PTPRN2: variants seen among roughly 807,000 people sequenced by gnomAD.
PTPRN2 encodes protein tyrosine phosphatase receptor type N2.
In PTPRN2, 74 loss-of-function variants were observed where a neutral mutation model predicts 118.8. The ratio of observed to expected loss-of-function variants is 0.62; its 90% CI spans 0.52 to 0.76. The LOEUF (loss-of-function observed/expected upper bound fraction) is 0.76. Ranked by LOEUF, PTPRN2 falls within the 30% of genes least tolerant of loss-of-function variation. PTPRN2 has a pLI of 0.00. For synonymous variants in PTPRN2, 641 were observed against 608.0 expected, an observed-to-expected ratio of 1.05 and a Z score of -0.80; for missense variants, 1,481 against 1,394.4, an observed-to-expected ratio of 1.06 and a Z score of -0.99.
In PTPRN2 at chr7:158,139,861, C is replaced by T. The variant is rs541189335; in HGVS notation, c.911-1346G>A. 1.1e-4 allele frequency among the ~76,000 whole-genome samples: 17 copies of T among 152,278 alleles called. No homozygotes were observed. In the South Asian group the frequency reaches 2.9e-3, roughly 26 times the overall value. On this transcript the variant is annotated intron_variant, in intron 6 of 22. Coordinates refer to ENST00000389418, the MANE Select transcript of PTPRN2 (RefSeq NM_002847.5). ...ACATTTGAAGGGTTGAAAGAAAAAT[C>T]ATTCAATCCAGGAGTTTATATCCAA...
intron 11 of PTPRN2, among the ~76,000 whole-genome samples, chr7:158,017,869 G>A (rs1215742575): frequency 2.6e-5 from 4 of 152,132 alleles, no homozygotes; most frequent in Non-Finnish European, 2.9e-5. Context: ...TGTGCCCATC[G>A]GGGTCCCCTT....
intron 12 of PTPRN2, among the ~76,000 whole-genome samples, chr7:157,800,959 AT>A (rs1354063833): frequency 1.3e-5 from 2 of 151,122 alleles, no homozygotes; most frequent in Non-Finnish European, 1.5e-5. Flanking sequence ...TTCAAAAAAA[AT>A]ATATATATAC....
chr7:158,090,850 C>T (rs763378300), intron 10 of PTPRN2, among the ~76,000 whole-genome samples: 1 of 152,170 alleles, frequency 6.6e-6, no homozygotes, highest in East Asian at 1.9e-4. Flanking sequence ...CATCAATATA[C>T]TGATGTACTA....
chr7:158,229,205 AC>A (rs1829010637), intron 3 of PTPRN2, among the ~76,000 whole-genome samples: 1 of 152,054 alleles, frequency 6.6e-6, no homozygotes, highest in South Asian at 2.1e-4. Flanking sequence ...GGAGACAGGG[AC>A]CTAGAAGGGG....
rs372464940 is a variant in PTPRN2, at chr7:158,321,913, C to T, written c.164-4981G>A. The stretch of plus-strand genomic sequence containing the variant: ...ACTTACTGTGCGTGCCCAAGGATGC[C>T]GCCAATCCAACATCATAAACCCTTC... On this transcript the variant is annotated intron_variant, in intron 2 of 22. Transcript: ENST00000389418. Among the ~76,000 whole-genome samples, 36 of 152,314 alleles carry T rather than the reference C, an allele frequency of 2.4e-4. 1 individual carries two copies. Among genetic ancestry groups the T allele is most frequent in the South Asian group, 1.4e-3 (7 of 4,828 alleles).
At chr7:158,144,049 A>G (rs1819646743) in intron 6 of PTPRN2, among the ~76,000 whole-genome samples, 1 of 152,190 alleles carries the variant, frequency 6.6e-6, no homozygotes, top group Admixed American at 6.5e-5. Flanking sequence ...AGTTTGGGAC[A>G]GAGTTCCATT....
intron 20 of PTPRN2, among the ~76,000 whole-genome samples, chr7:157,571,202 T>A (rs1396683148): frequency 1.1e-4 from 14 of 129,550 alleles, no homozygotes; most frequent in African/African-American, 1.5e-4. Context: ...GCAACAGAGT[T>A]AAAAAAAAAA....
intron 2 of PTPRN2, among the ~76,000 whole-genome samples, chr7:158,401,975 G>C (rs149808200): frequency 6.6e-6 from 1 of 152,236 alleles, no homozygotes; most frequent in Non-Finnish European, 1.5e-5. Context: ...GGGTCTGGCC[G>C]GTGCCCAGAG....
intron 12 of PTPRN2, among the ~76,000 whole-genome samples, chr7:157,827,447 C>A (rs1026067706): frequency 1.3e-5 from 2 of 151,830 alleles, no homozygotes; most frequent in East Asian, 3.9e-4. Context: ...CAAGCTCGAT[C>A]AGAATGTCCC....
chr7:158,500,316 TG>T (rs1204833609), intron 1 of PTPRN2, among the ~76,000 whole-genome samples: 2 of 152,368 alleles, frequency 1.3e-5, no homozygotes, highest in African/African-American at 4.8e-5. Context: ...GAGGTGAATT[TG>T]AAAAATAATT....
At chr7:158,151,060 CCCGCCTTT>C (rs1483999153) in intron 6 of PTPRN2, among the ~76,000 whole-genome samples, 5 of 120,426 alleles carry the variant, frequency 4.2e-5, no homozygotes, top group African/African-American at 9.9e-5. Flanking sequence ...GCCCACACTG[CCCGCCTTT>C]CCACTCTTGC....
At chr7:157,699,363 G>A (rs1797958136) in intron 12 of PTPRN2, among the ~76,000 whole-genome samples, 1 of 152,188 alleles carries the variant, frequency 6.6e-6, no homozygotes, top group African/African-American at 2.4e-5. Flanking sequence ...ATTTTATATT[G>A]CAAATATGTC....
chr7:157,982,300 CCCAAACCCTGAG>C, intron 11 of PTPRN2, among the ~76,000 whole-genome samples: 2 of 45,998 alleles, frequency 4.3e-5, no homozygotes, highest in Non-Finnish European at 9.5e-5. Flanking sequence ...GCAGGGTCCC[CCCAAACCCTGAG>C]TCATAGAGCC....
chr7:157,800,883 C>T (rs1488404210), intron 12 of PTPRN2, among the ~76,000 whole-genome samples: 5 of 151,500 alleles, frequency 3.3e-5, no homozygotes, highest in Admixed American at 6.6e-5. Flanking sequence ...ACCCGGGAGG[C>T]GGAGCTTGCA....
intron 12 of PTPRN2, among the ~76,000 whole-genome samples, chr7:157,810,494 G>A (rs1805930696): frequency 6.7e-6 from 1 of 150,162 alleles, no homozygotes; most frequent in African/African-American, 2.5e-5. Context: ...GCTGGGCACA[G>A]GGTCTCCATG....
chr7:157,709,867 T>A (rs563087049), intron 12 of PTPRN2, among the ~76,000 whole-genome samples: 319 of 152,358 alleles, frequency 2.1e-3, no homozygotes, highest in Non-Finnish European at 3.8e-3. Flanking sequence ...GACAGAATCC[T>A]CATCAGTGAG....
chr7:158,466,933 C>T (rs1241219265), intron 2 of PTPRN2, among the ~76,000 whole-genome samples: 8 of 152,076 alleles, frequency 5.3e-5, no homozygotes, highest in African/African-American at 1.4e-4. Context: ...CCCAGCTACT[C>T]GGGAGGCTGA....
intron 2 of PTPRN2, among the ~76,000 whole-genome samples, chr7:158,423,956 T>G (rs1815478281): frequency 6.6e-6 from 1 of 152,156 alleles, no homozygotes; most frequent in African/African-American, 2.4e-5. Context: ...TCCTCACAAC[T>G]CCCCTCTAAG....
intron 1 of PTPRN2, among the ~76,000 whole-genome samples, chr7:158,534,111 C>G (rs57775825): frequency 1.4e-5 from 1 of 72,990 alleles, no homozygotes; most frequent in Non-Finnish European, 2.9e-5. Context: ...TGACCACCCA[C>G]GCCCTGGGCT....
Sources: allele counts gnomAD v4.1 joint callset (sites outside exome capture counted in the v4.1 genomes callset), GRCh38; gene constraint gnomAD v4.1.1; transcripts MANE v1.5; gene names NCBI Gene and HGNC (gene_info 2026-07-23, HGNC 2026-07-21).